LRP5: variants seen among roughly 807,000 people sequenced by gnomAD.
LRP5 encodes the protein LDL receptor related protein 5.
LRP5 carries 62 observed loss-of-function variants against 154.1 expected under a neutral mutation model. The ratio of observed to expected loss-of-function variants is 0.40; its 90% confidence interval spans 0.33 to 0.50. LRP5 has a LOEUF of 0.50. Among genes scored for constraint, LRP5 ranks in the 20% least tolerant of loss-of-function variants. The pLI is 0.55. For synonymous variants in LRP5, 966 were observed against 1,011.5 expected (o/e 0.96, Z 0.85); for missense variants, 1,915 against 2,336.7 (o/e 0.82, Z 3.72).
At chr11:68,430,843 C>G (rs1437700137) in intron 17 of LRP5, among the ~76,000 whole-genome samples, 1 of 152,136 alleles carries the variant, frequency 6.6e-6, no homozygotes, top group Non-Finnish European at 1.5e-5. Context: ...GGCCAGGGTT[C>G]AAATCCTGGC....
intron 13 of LRP5, among the ~76,000 whole-genome samples, chr11:68,420,000 C>T (rs2098664661): frequency 6.6e-6 from 1 of 151,990 alleles, no homozygotes. Flanking sequence ...CCATGTTGCC[C>T]AGGCTGGGCT....
chr11:68,403,036 AGAAG>A (rs1028040852), intron 7 of LRP5, among the ~76,000 whole-genome samples: 5 of 152,208 alleles, frequency 3.3e-5, no homozygotes, highest in Non-Finnish European at 7.3e-5. Flanking sequence ...ACTTGAGGTC[AGAAG>A]TTCGAGACCA....
chr11:68,329,354 A>G (rs1366925635), intron 1 of LRP5, among the ~76,000 whole-genome samples: 5 of 152,136 alleles, frequency 3.3e-5, no homozygotes, highest in African/African-American at 1.2e-4. Flanking sequence ...GGCCATCCCT[A>G]CCCTCATTTT....
At chr11:68,341,367 T>A (rs1233178267) in intron 1 of LRP5, among the ~76,000 whole-genome samples, 1 of 152,078 alleles carries the variant, frequency 6.6e-6, no homozygotes, top group African/African-American at 2.4e-5. Flanking sequence ...CACCCAGAAC[T>A]GAGGCTCCAA....
chr11:68,354,699 G>C (rs964646578), intron 2 of LRP5, among the ~76,000 whole-genome samples: 1 of 152,224 alleles, frequency 6.6e-6, no homozygotes, highest in Non-Finnish European at 1.5e-5. Flanking sequence ...GGCCGGGCTC[G>C]GGCCCTCAGC....
Position 68,436,884 on chromosome 11 carries a change from T to G in LRP5, c.4001-5T>G. The G allele has an allele frequency of 6.2e-7, 1 of 1,609,036 alleles. No individual in the cohort carries two copies. The highest frequency in any genetic ancestry group is 8.5e-7 in the Non-Finnish European group (1 of 1,175,788). On this transcript the variant is annotated splice_region_variant and splice_polypyrimidine_tract_variant and intron_variant, in intron 18 of 22. Transcript: ENST00000294304. ...CCTCTCTGAGTGCATGGCCTCTCCT[T>G]GCAGCCATCTGCCTGCCCAACCAGT...
Position 68,406,807 on chromosome 11 carries a change from C to G in LRP5, c.2085C>G (p.Ser695Arg). Residue 695 changes from serine to arginine, a missense_variant, in exon 9 of 23, where the codon AGC becomes AGG. Physicochemically the swap from Ser to Arg is moderately radical, Grantham distance 110 (BLOSUM62 -1). Around this residue, in one of 3 missense-constraint regions of LRP5, gnomAD observed 773 missense variants for 1,100.9 expected, o/e 0.70. Coordinates refer to ENST00000294304, the MANE Select transcript of LRP5 (RefSeq NM_002335.4). ...SNNHIYWTDV[S>R]LKTISRAFMN... ...ACCACATCTACTGGACAGACGTCAG[C>G]CTGAAGGTAGCGTGGGCCAGAACGT... 1 of 1,613,828 alleles carries G rather than the reference C, an allele frequency of 6.2e-7. No homozygotes were observed. Among genetic ancestry groups the G allele is most frequent in the Non-Finnish European group, 8.5e-7 (1 of 1,179,964 alleles).
chr11:68,338,392 A>G lies in LRP5; in HGVS notation c.92-9455A>G, dbSNP rs564974103. ...CATCTGTTATGAATTCTATATATAA[A>G]TATTGGATATGCTTACATGGGTTAA... On this transcript the variant is annotated intron_variant, in intron 1 of 22. Coordinates refer to ENST00000294304, the MANE Select transcript of LRP5 (RefSeq NM_002335.4). 1.0e-3 allele frequency among the ~76,000 whole-genome samples: 159 copies of G among 152,316 alleles called. 3 individuals are homozygous for G. Among genetic ancestry groups the G allele is most frequent in the Admixed American group, 0.01 (155 of 15,302 alleles).
chr11:68,348,152 G>A lies in LRP5; in HGVS notation c.397G>A (p.Glu133Lys), dbSNP rs1372004766. 1 of 1,613,950 alleles carries A rather than the reference G, an allele frequency of 6.2e-7. No individual in the cohort carries two copies. The highest frequency in any genetic ancestry group is 8.5e-7 in the Non-Finnish European group (1 of 1,180,048). ...YWTDSETNRI[E>K]VANLNGTSRK... is the part of the protein sequence containing the mutation. ...GACGGACTCAGAGACCAACCGCATC[G>A]AGGTGGCCAACCTCAATGGCACATC... Residue 133 changes from glutamate (E) to lysine (K), a missense_variant, in exon 2 of 23, where the codon GAG (glutamate) becomes AAG (lysine). Around this residue, in one of 3 missense-constraint regions of LRP5, gnomAD observed 773 missense variants for 1,100.9 expected, o/e 0.70. Transcript: ENST00000294304.
chr11:68,326,402 G>A (rs576479611), intron 1 of LRP5, among the ~76,000 whole-genome samples: 2 of 152,330 alleles, frequency 1.3e-5, no homozygotes, highest in African/African-American at 4.8e-5. Context: ...AGCCCTTTCT[G>A]GCCCCCTGCA....
intron 1 of LRP5, among the ~76,000 whole-genome samples, chr11:68,330,618 C>T (rs923681570): frequency 1.3e-5 from 2 of 152,264 alleles, no homozygotes; most frequent in African/African-American, 2.4e-5. Flanking sequence ...ATGCTGGCTG[C>T]ATGAAGCCGT....
chr11:68,364,298 T>TTA (rs1225453297), intron 4 of LRP5, among the ~76,000 whole-genome samples: 27 of 151,172 alleles, frequency 1.8e-4, no homozygotes, highest in Non-Finnish European at 2.8e-4. Context: ...GTATATGTAT[T>TTA]TATATACACA....
chr11:68,324,423 G>A (rs746589707), intron 1 of LRP5, among the ~76,000 whole-genome samples: 6 of 152,192 alleles, frequency 3.9e-5, no homozygotes, highest in African/African-American at 7.2e-5. Flanking sequence ...GGTGCCCGGC[G>A]TGTGCCCTGA....
upstream of LRP5, among the ~76,000 whole-genome samples, chr11:68,308,923 A>ATTTTTTT (rs34529621): frequency 2.7e-5 from 2 of 74,482 alleles, no homozygotes; most frequent in Non-Finnish European, 4.7e-5. Context: ...TAATCAGCTA[A>ATTTTTTT]TTTTTTTTTT....
chr11:68,372,871 C>T lies in LRP5; in HGVS notation c.1015+7169C>T, dbSNP rs623080. Among the ~76,000 whole-genome samples, 543 of 152,026 alleles carry T rather than the reference C, an allele frequency of 3.6e-3. 6 individuals carry two copies. Among genetic ancestry groups the T allele is most frequent in the African/African-American group, 0.013 (525 of 41,428 alleles). On this transcript the variant is annotated intron_variant, in intron 5 of 22. Coordinates refer to ENST00000294304, the MANE Select transcript of LRP5 (RefSeq NM_002335.4). ...AGGGGGGTGTGCTGGGCGCTTCAGGCGTGTGGCTCCCTTTCCTGTGGGGCG... is the reference window on the plus strand; with the variant it reads ...AGGGGGGTGTGCTGGGCGCTTCAGGTGTGTGGCTCCCTTTCCTGTGGGGCG...
chr11:68,412,302 C>A lies in LRP5; in HGVS notation c.2503+682C>A, dbSNP rs201729183. ...GGGGCAACTGTGCTTAACAAAGGAA[C>A]CCCCATCCCCCCTGCCAAGTTGGGA... On this transcript the variant is annotated intron_variant, in intron 11 of 22. Transcript: ENST00000294304. Among the ~76,000 whole-genome samples, 7 of 152,098 alleles carry A rather than the reference C, an allele frequency of 4.6e-5. No homozygotes were observed. In the East Asian group the frequency reaches 1.2e-3, roughly 25 times the overall value.
At chr11:68,315,614 G>A (rs910448390) in intron 1 of LRP5, among the ~76,000 whole-genome samples, 2 of 152,254 alleles carry the variant, frequency 1.3e-5, no homozygotes, top group African/African-American at 2.4e-5. Context: ...TGCTGTTGCT[G>A]TTTTGCTTTG....
At chr11:68,357,257 C>G (rs1435722101) in intron 2 of LRP5, among the ~76,000 whole-genome samples, 2 of 152,112 alleles carry the variant, frequency 1.3e-5, no homozygotes, top group African/African-American at 2.4e-5. Flanking sequence ...CTTTATACCA[C>G]TAAATAATAT....
At chr11:68,406,234 G>A (rs1199918269) in intron 8 of LRP5, among the ~76,000 whole-genome samples, 1 of 152,208 alleles carries the variant, frequency 6.6e-6, no homozygotes, top group Non-Finnish European at 1.5e-5. Flanking sequence ...CCATTGCCAG[G>A]TGTTCTCCCA....
Sources: allele counts gnomAD v4.1 joint callset (sites outside exome capture counted in the v4.1 genomes callset), GRCh38; gene constraint gnomAD v4.1.1; regional missense constraint gnomAD v4.1.1; transcripts MANE v1.5; gene names NCBI Gene and HGNC (gene_info 2026-07-23, HGNC 2026-07-21).